CCDC3: variants seen among roughly 807,000 people sequenced by gnomAD.
The protein encoded by CCDC3 is coiled-coil domain containing 3.
CCDC3 carries 24 observed loss-of-function variants against 21.4 expected under a neutral mutation model. The observed-to-expected ratio is 1.12, with a 90% CI of 0.81 to 1.58. The LOEUF (loss-of-function observed/expected upper bound fraction) is 1.58. Ranked by LOEUF, CCDC3 falls within the 40% of genes most tolerant of loss-of-function variation. The pLI, the probability that CCDC3 is intolerant of heterozygous loss-of-function variation, is 0.00. For missense variants in CCDC3, 425 were observed against 360.9 expected (o/e 1.18, Z -1.44); for synonymous variants, 186 against 166.0 (o/e 1.12, Z -0.93).
intron 2 of CCDC3, among the ~76,000 whole-genome samples, chr10:12,927,636 C>A (rs1380899478): frequency 6.6e-6 from 1 of 151,976 alleles, no homozygotes; most frequent in Non-Finnish European, 1.5e-5. Flanking sequence ...TGATAATGAC[C>A]AATATGAAAA....
intron 2 of CCDC3, among the ~76,000 whole-genome samples, chr10:12,961,458 A>G (rs1171538434): frequency 6.6e-6 from 1 of 152,238 alleles, no homozygotes. Context: ...AAAATCTTCC[A>G]TCGGTCTAAA....
chr10:12,957,221 T>C (rs1835102920), intron 2 of CCDC3, among the ~76,000 whole-genome samples: 1 of 152,136 alleles, frequency 6.6e-6, no homozygotes, highest in South Asian at 2.1e-4. Flanking sequence ...CAATTTCCAC[T>C]TCCTAACTAA....
chr10:13,087,857 C>G (rs7076027), intron 3 of CCDC3, among the ~76,000 whole-genome samples: 36,615 of 152,024 alleles, frequency 0.24, 4,503 homozygotes, highest in South Asian at 0.3. Context: ...GGTTGGTGCA[C>G]TAGCAATTGT....
At position 12,982,792 on chromosome 10, in the gene CCDC3, C is replaced by CA. The variant is rs61685162; in HGVS notation, c.549+15545dup. Among the ~76,000 whole-genome samples the CA allele has an allele frequency of 7.3e-3, 385 of 52,940 alleles. 19 individuals carry two copies. Among genetic ancestry groups the CA allele is most frequent in the Middle Eastern group, 0.018 (1 of 56 alleles). The allele number at this position is 52,940 out of a possible 152,430, so 34.7% of individuals were successfully genotyped here. On this transcript the variant is annotated intron_variant, in intron 2 of 2. Coordinates refer to ENST00000378825, the MANE Select transcript of CCDC3 (RefSeq NM_031455.4). ...TGGGTGACAGAGCAAGACTCTGTCTCAAAAAAAAAAAAAAAAAAAAAAAAA... is the reference window on the plus strand; with the variant it reads ...TGGGTGACAGAGCAAGACTCTGTCTCAAAAAAAAAAAAAAAAAAAAAAAAAA...
At chr10:12,951,694 A>T (rs567921206) in intron 2 of CCDC3, among the ~76,000 whole-genome samples, 2 of 149,840 alleles carry the variant, frequency 1.3e-5, no homozygotes, top group Non-Finnish European at 3.0e-5. Context: ...AGTCCCAGTT[A>T]CTCAGGAGGC....
At chr10:12,998,634 TC>T (rs1835799828) in intron 1 of CCDC3, 122 bp from the exon 2 acceptor site, 1 of 800,886 alleles carries the variant, frequency 1.2e-6, no homozygotes, top group Non-Finnish European at 2.0e-6. Flanking sequence ...GGCATGGCTC[TC>T]ATTAGAGGAG....
At position 12,897,043 on chromosome 10, in the gene CCDC3, T is replaced by G. The variant is rs1363543941; in HGVS notation, c.*1373A>C. The G allele has an allele frequency of 2.0e-5, 3 of 152,206 alleles. No homozygotes were observed. The highest frequency in any genetic ancestry group is 7.3e-5 in the African/African-American group (3 of 41,362). 9.4% of individuals were successfully genotyped at this position (152,206 alleles called of 1,614,324 possible). A position where few individuals can be genotyped will look rare whatever the true frequency, so the allele number is the denominator to read the frequency against. On this transcript the variant is annotated 3_prime_UTR_variant, in exon 3 of 3. Coordinates refer to ENST00000378825, the MANE Select transcript of CCDC3 (RefSeq NM_031455.4). ...AGGCAGAAGAGTGGAAATCTGACAG[T>G]GCCTGCCATTTCCGGTACAGAGGAC...
chr10:12,925,466 C>T lies in CCDC3; in HGVS notation c.550-26787G>A, dbSNP rs966739862. 3.5e-4 allele frequency among the ~76,000 whole-genome samples: 54 copies of T among 152,242 alleles called. 1 individual carries two copies. The highest frequency in any genetic ancestry group is 3.9e-4 in the Admixed American group (6 of 15,292). ...TAAGTAACCTCTCCCCCAGCGAAGG[C>T]AAACTCTCCGCAACTCCCCACAAGC... On this transcript the variant is annotated intron_variant, in intron 2 of 2. Coordinates refer to ENST00000378825, the MANE Select transcript of CCDC3 (RefSeq NM_031455.4).
intron 3 of CCDC3, among the ~76,000 whole-genome samples, chr10:13,074,611 T>C (rs1836938042): frequency 6.6e-6 from 1 of 151,894 alleles, no homozygotes; most frequent in Non-Finnish European, 1.5e-5. Flanking sequence ...TATAGATTTT[T>C]CTACAATACT....
intron 4 of CCDC3, among the ~76,000 whole-genome samples, chr10:13,055,839 T>C (rs1289676150): frequency 6.6e-6 from 1 of 152,236 alleles, no homozygotes; most frequent in Non-Finnish European, 1.5e-5. Context: ...CTGTGCTTTC[T>C]CCTTGCTAGC....
Position 13,074,966 on chromosome 10 carries a change from A to G in CCDC3, c.-502-866T>C, listed in dbSNP as rs1162383612. ...TAGAAATAGATTTCATGTTTTCCAA[A>G]GAGGACCCGGTACATCCCAGCCGCG... On this transcript the variant is annotated intron_variant, in intron 3 of 6. Transcript: ENST00000378839. 4.6e-5 allele frequency among the ~76,000 whole-genome samples: 7 copies of G among 152,186 alleles called. 1 individual carries two copies. The East Asian group carries it at 1.3e-3, about 29-fold the overall frequency.
intron 4 of CCDC3, among the ~76,000 whole-genome samples, chr10:13,052,048 G>A (rs1176111374): frequency 2.0e-5 from 3 of 152,102 alleles, no homozygotes; most frequent in African/African-American, 7.2e-5. Flanking sequence ...TTCAGGAGAA[G>A]CCTAGAAGGT....
intron 2 of CCDC3, among the ~76,000 whole-genome samples, chr10:12,927,484 A>G (rs1258881900): frequency 6.6e-6 from 1 of 152,038 alleles, no homozygotes; most frequent in Non-Finnish European, 1.5e-5. Context: ...CATATATTAC[A>G]CTGATTGCTA....
At chr10:12,989,951 A>T (rs1308681925) in intron 2 of CCDC3, among the ~76,000 whole-genome samples, 1 of 152,064 alleles carries the variant, frequency 6.6e-6, no homozygotes, top group Non-Finnish European at 1.5e-5. Flanking sequence ...TGCCAGTTTA[A>T]TTTAAGAATA....
chr10:12,930,035 G>C (rs1228333174), intron 2 of CCDC3, among the ~76,000 whole-genome samples: 1 of 152,172 alleles, frequency 6.6e-6, no homozygotes, highest in Non-Finnish European at 1.5e-5. Flanking sequence ...TAAAATTGCA[G>C]TTCAGGCATC....
At chr10:12,926,582 G>A (rs1037376746) in intron 2 of CCDC3, among the ~76,000 whole-genome samples, 2 of 151,946 alleles carry the variant, frequency 1.3e-5, no homozygotes, top group African/African-American at 4.8e-5. Context: ...TTAAGAGATG[G>A]GACAAATACA....
At chr10:13,052,543 GA>G (rs1482950978) in intron 4 of CCDC3, among the ~76,000 whole-genome samples, 1 of 152,126 alleles carries the variant, frequency 6.6e-6, no homozygotes, top group Non-Finnish European at 1.5e-5. Context: ...CAAACACAAG[GA>G]GATCTGCTGT....
chr10:13,039,765 C>T (rs1002701946), intron 5 of CCDC3, among the ~76,000 whole-genome samples: 3 of 151,894 alleles, frequency 2.0e-5, no homozygotes, highest in Non-Finnish European at 2.9e-5. Flanking sequence ...TGCACAGCAT[C>T]GTCAGCTGAA....
chr10:12,925,344 C>A (rs539765556), intron 2 of CCDC3, among the ~76,000 whole-genome samples: 1 of 151,882 alleles, frequency 6.6e-6, no homozygotes, highest in African/African-American at 2.4e-5. Flanking sequence ...CAAACTTAGT[C>A]AAAAAAAATC....
Sources: gnomAD v4.1 joint callset for allele counts (sites outside exome capture counted in the v4.1 genomes callset) on GRCh38, gnomAD v4.1.1 for gene constraint, MANE v1.5 for transcripts, NCBI Gene and HGNC (gene_info 2026-07-23, HGNC 2026-07-21) for gene names.